The following NIN variants were observed in gnomAD, a reference collection of about 807,000 sequenced individuals.
NIN encodes the protein glycogen synthase kinase 3 beta-interacting protein.
Under a neutral mutation model 257.6 loss-of-function variants are expected in NIN, and 137 were observed. The ratio of observed to expected loss-of-function variants is 0.53; its 90% CI spans 0.46 to 0.61. NIN has a LOEUF of 0.61. Among genes scored for constraint, NIN ranks in the 20% least tolerant of loss-of-function variants. NIN has a pLI of 0.00. For missense variants in NIN, 2,439 were observed against 2,501.2 expected, an observed-to-expected ratio of 0.98 and a Z score of 0.53; for synonymous variants, 918 against 919.8, an observed-to-expected ratio of 1.00 and a Z score of 0.04.
intron 3 of NIN, 43 bp from the exon 4 acceptor site, chr14:50,806,861 C>G (rs771795521): frequency 2.0e-6 from 2 of 983,436 alleles, no homozygotes; most frequent in Non-Finnish European, 3.1e-6. Context: ...TTCCACAGCT[C>G]TAAGAATGCA....
chr14:50,821,466 C>G (rs2045217600), intron 3 of NIN, among the ~76,000 whole-genome samples: 1 of 152,208 alleles, frequency 6.6e-6, no homozygotes, highest in Non-Finnish European at 1.5e-5. Flanking sequence ...AGAAATAATC[C>G]ACACAAGAAA....
At chr14:50,803,903 CT>C (rs201026801) in intron 4 of NIN, among the ~76,000 whole-genome samples, 14 of 142,746 alleles carry the variant, frequency 9.8e-5, no homozygotes, top group African/African-American at 7.8e-5. Flanking sequence ...CTTTTTTCTT[CT>C]TTTTTTTTTT....
chr14:50,798,613 A>G (rs532592067), intron 4 of NIN, among the ~76,000 whole-genome samples: 90 of 152,344 alleles, frequency 5.9e-4, no homozygotes, highest in African/African-American at 2.1e-3. Flanking sequence ...GCCTGCATCT[A>G]TAGCCATTTT....
rs369908316 is a variant in NIN at position 50,758,180 on chromosome 14, C to G, written c.2850G>C (p.Glu950Asp). 65 of 1,614,128 alleles carry G rather than the reference C, an allele frequency of 4.0e-5. No individual in the cohort carries two copies. Among genetic ancestry groups the G allele is most frequent in the Non-Finnish European group, 5.3e-5 (63 of 1,180,044 alleles). The change falls in exon 18 of 31, where the codon GAG becomes GAC. Residue 950 changes from glutamate (E) to aspartate (D), a missense_variant. By Grantham distance (45) the Glu-to-Asp change is conservative (BLOSUM62 2). Coordinates refer to ENST00000530997, the MANE Select transcript of NIN (RefSeq NM_020921.4). Reference protein sequence around the residue: ...LKSSHKRELREREEVLCQAGA... With the variant: ...LKSSHKRELRDREEVLCQAGA... ...CTGCCTGGCACAGGACCTCCTCACG[C>G]TCCCTCAGTTCCCTTTTGTGACTGC...
At chr14:50,799,120 C>T (rs992277519) in intron 4 of NIN, among the ~76,000 whole-genome samples, 2 of 152,162 alleles carry the variant, frequency 1.3e-5, no homozygotes, top group African/African-American at 4.8e-5. Flanking sequence ...ATTACCTACC[C>T]GGATAGACTA....
chr14:50,821,941 A>G lies in NIN; in HGVS notation c.116T>C (p.Met39Thr), dbSNP rs1485743042. 5 of 1,613,952 alleles carry G rather than the reference A, an allele frequency of 3.1e-6. No homozygotes were observed. Among genetic ancestry groups the G allele is most frequent in the Non-Finnish European group, 4.2e-6 (5 of 1,180,008 alleles). The change falls in exon 3 of 31, where the codon ATG becomes ACG. Residue 39 changes from methionine to threonine, a missense_variant. Met to Thr is a moderately conservative substitution (Grantham distance 81). Transcript: ENST00000530997. ...GQEELTDLCH[M>T]LSLEEVAPVL... ...TGGGGCCACCTCCTCCAAGCTCAAC[A>G]TGTGGCAAAGGTCGGTGAGTTCCTC...
Position 50,723,609 on chromosome 14 carries a change from A to G in NIN, c.6256T>C (p.Leu2086=). The G allele has an allele frequency of 1.2e-6, 2 of 1,613,872 alleles. No homozygotes were observed. The highest frequency in any genetic ancestry group is 8.5e-7 in the Non-Finnish European group (1 of 1,179,804). ...KDLYVENAQL[L]KALEVTEQRQ... ...TGTTCAGTCACTTCCAGAGCTTTCA[A>G]CAACTGGGCATTTTCAACATACAAG... The change falls in exon 31 of 31, where the codon TTG becomes CTG. Residue 2086 remains leucine, a synonymous_variant. Transcript: ENST00000530997.
chr14:50,734,170 A>G (rs1250998643), intron 28 of NIN, among the ~76,000 whole-genome samples: 1 of 149,482 alleles, frequency 6.7e-6, no homozygotes, highest in Non-Finnish European at 1.5e-5. Flanking sequence ...GCTCACTGCA[A>G]CCTCCGCCTC....
rs1401772943 is a variant in NIN, at chr14:50,758,508, C to T, written c.2522G>A (p.Arg841His). Residue 841 changes from arginine to histidine, a missense_variant, in exon 18 of 31, where the codon CGC (arginine) becomes CAC (histidine). Transcript: ENST00000530997. ...SALQSLEGRYRQELKDLQEQQ... is the reference protein window; with the variant it reads ...SALQSLEGRYHQELKDLQEQQ... ...TTCCTGGAGGTCCTTCAGCTCTTGGCGGTAGCGCCCCTCCAGGCTTTGCAG... is the reference window on the plus strand; with the variant it reads ...TTCCTGGAGGTCCTTCAGCTCTTGGTGGTAGCGCCCCTCCAGGCTTTGCAG... The T allele has an allele frequency of 2.5e-6, 4 of 1,614,088 alleles. No individual in the cohort carries two copies. Among genetic ancestry groups the T allele is most frequent in the East Asian group, 2.2e-5 (1 of 44,888 alleles).
chr14:50,778,809 A>G lies in NIN; in HGVS notation c.436-5T>C, dbSNP rs374242565. 386 of 1,613,902 alleles carry G rather than the reference A, an allele frequency of 2.4e-4. No individual in the cohort carries two copies. Among genetic ancestry groups the G allele is most frequent in the Non-Finnish European group, 3.2e-4 (380 of 1,179,916 alleles). ...ACTGCGTTGCGTCTTCCAGTGCTAG[A>G]GAAGGCAAGAGAAGATTAGTGTGCT... On this transcript the variant is annotated splice_polypyrimidine_tract_variant and splice_region_variant and intron_variant, in intron 5 of 30. Transcript: ENST00000530997.
In NIN at chr14:50,720,173, G is replaced by C. The variant is rs565086042; in HGVS notation, c.*3290C>G. On this transcript the variant is annotated 3_prime_UTR_variant, in exon 31 of 31. Transcript: ENST00000530997. The stretch of plus-strand genomic sequence containing the variant: ...TCCAAACATGATGATTTTTAAATGA[G>C]TGCTTTGGTTAATTAGGCTTTGACT... The C allele has an allele frequency of 9.0e-6, 2 of 223,164 alleles. No individual in the cohort carries two copies. The highest frequency in any genetic ancestry group is 3.7e-4 in the South Asian group (2 of 5,446). 13.8% of individuals were successfully genotyped at this position (223,164 alleles called of 1,614,324 possible). A position where few individuals can be genotyped will look rare whatever the true frequency, so the allele number is the denominator to read the frequency against.
Position 50,792,760 on chromosome 14 carries a change from C to T in NIN, c.387G>A (p.Leu129=), listed in dbSNP as rs762546791. ...EFPEVTVIEP[L]DEEARPSHIP... is the part of the protein sequence containing the mutation. ...TGTGTGAAGGCCGCGCTTCTTCATC[C>T]AGTGGCTCAATCACCGTCACTTCAG... The change falls in exon 5 of 31, where the codon CTG becomes CTA. Residue 129 remains leucine, a synonymous_variant. Transcript: ENST00000530997. 6.2e-7 allele frequency: 1 copy of T among 1,614,188 alleles called. No individual in the cohort carries two copies. The highest frequency in any genetic ancestry group is 8.5e-7 in the Non-Finnish European group (1 of 1,180,040).
intron 15 of NIN, among the ~76,000 whole-genome samples, chr14:50,763,449 T>A (rs2042349464): frequency 1.3e-5 from 2 of 152,246 alleles, no homozygotes; most frequent in Admixed American, 6.5e-5. Flanking sequence ...CAAAACCATC[T>A]TCATATGAGT....
At chr14:50,804,903 A>G (rs2044253809) in intron 4 of NIN, among the ~76,000 whole-genome samples, 1 of 152,206 alleles carries the variant, frequency 6.6e-6, no homozygotes, top group South Asian at 2.1e-4. Context: ...CATGCAGCCC[A>G]TGGGCCGTGG....
At chr14:50,744,419 A>G in intron 22 of NIN, 54 bp from the exon 23 acceptor site, 3 of 1,586,724 alleles carry the variant, frequency 1.9e-6, no homozygotes, top group Non-Finnish European at 2.6e-6. Flanking sequence ...CTGTAAGTAC[A>G]AAGGGGTATT....
intron 2 of NIN, among the ~76,000 whole-genome samples, chr14:50,827,574 TG>T (rs1264295670): frequency 2.3e-5 from 3 of 130,740 alleles, no homozygotes. Context: ...GTTGAAACCC[TG>T]TCTCTACTAA....
intron 14 of NIN, 79 bp from the exon 15 acceptor site, chr14:50,764,043 G>A: frequency 2.3e-6 from 3 of 1,291,932 alleles, no homozygotes; most frequent in Non-Finnish European, 2.2e-6. Flanking sequence ...AAGATAAATT[G>A]GATATCATCA....
intron 3 of NIN, among the ~76,000 whole-genome samples, chr14:50,817,731 T>G (rs2044977449): frequency 6.6e-6 from 1 of 152,092 alleles, no homozygotes; most frequent in African/African-American, 2.4e-5. Context: ...CGTAAGGAGT[T>G]TTTGAAACGG....
At position 50,759,890 on chromosome 14, in the gene NIN, A is replaced by G; in HGVS notation, c.2366T>C (p.Leu789Ser). Residue 789 changes from leucine to serine, a missense_variant, in exon 17 of 31, where the codon TTG becomes TCG. Around this residue, in one of 3 missense-constraint regions of NIN, gnomAD observed 2,043 missense variants for 2,050.2 expected, o/e 1.00. Coordinates refer to ENST00000530997, the MANE Select transcript of NIN (RefSeq NM_020921.4). ...LEKEELRKEL[L>S]EKHQRELQEG... is the part of the protein sequence containing the mutation. ...CTGAAGCTCCCTTTGGTGCTTTTCC[A>G]AGAGCTCTTTTCTTAACTCCTCTTT... 11 of 1,612,752 alleles carry G rather than the reference A, an allele frequency of 6.8e-6. No homozygotes were observed. Among genetic ancestry groups the G allele is most frequent in the Non-Finnish European group, 9.3e-6 (11 of 1,179,598 alleles).
Sources: gnomAD v4.1 joint callset for allele counts (sites outside exome capture counted in the v4.1 genomes callset) on GRCh38, gnomAD v4.1.1 for gene constraint, gnomAD v4.1.1 regional missense constraint, MANE v1.5 for transcripts, NCBI Gene and HGNC (gene_info 2026-07-23, HGNC 2026-07-21) for gene names.